AIF1L: variants seen among roughly 807,000 people sequenced by gnomAD.
AIF1L encodes allograft inflammatory factor 1-like.
In AIF1L, 12 loss-of-function variants were observed where a neutral mutation model predicts 20.7. The observed-to-expected ratio is 0.58, with a 90% CI of 0.37 to 0.94. AIF1L has a LOEUF of 0.94. Among genes scored for constraint, AIF1L ranks in the 40% least tolerant of loss-of-function variants. The pLI is 0.01. For synonymous variants in AIF1L, 76 were observed against 65.1 expected (o/e 1.17, Z -0.81); for missense variants, 173 against 185.3 (o/e 0.93, Z 0.39).
chr9:131,122,549 C>T lies in AIF1L; in HGVS notation c.*2227C>T, dbSNP rs1424607037. 6.6e-6 allele frequency: 1 copy of T among 152,042 alleles called. No homozygotes were observed. Among genetic ancestry groups the T allele is most frequent in the Non-Finnish European group, 1.5e-5 (1 of 68,030 alleles). 9.4% of individuals were successfully genotyped at this position (152,042 alleles called of 1,614,324 possible). A position where few individuals can be genotyped will look rare whatever the true frequency, so the allele number is the denominator to read the frequency against. ...TCTCCTCTCTGGGACAGGCTGGGACCTTTGAGGAAGATAAAGCCTTCCTTC... is the reference window on the plus strand; with the variant it reads ...TCTCCTCTCTGGGACAGGCTGGGACTTTTGAGGAAGATAAAGCCTTCCTTC... On this transcript the variant is annotated 3_prime_UTR_variant, in exon 6 of 6. Coordinates refer to ENST00000247291, the MANE Select transcript of AIF1L (RefSeq NM_031426.4).
chr9:131,110,792 C>T (rs1026840799), intron 2 of AIF1L, among the ~76,000 whole-genome samples: 4 of 151,846 alleles, frequency 2.6e-5, no homozygotes, highest in African/African-American at 7.3e-5. Flanking sequence ...CGTGAACCGC[C>T]GCACCTGGCC....
chr9:131,106,395 G>A (rs946691654), intron 2 of AIF1L: 1 of 718,580 alleles, frequency 1.4e-6, no homozygotes, highest in Non-Finnish European at 2.4e-6. Context: ...AGCAGTGGCA[G>A]TGGAAATCAT....
intron 2 of AIF1L, among the ~76,000 whole-genome samples, chr9:131,109,514 G>A (rs140806936): frequency 1.8e-4 from 27 of 152,260 alleles, no homozygotes; most frequent in African/African-American, 6.3e-4. Context: ...AGCCAACATT[G>A]CGCCACTGGA....
intron 3 of AIF1L, chr9:131,114,320 C>T (rs1295086015): frequency 2.1e-6 from 1 of 471,340 alleles, no homozygotes; most frequent in Non-Finnish European, 3.9e-6. Context: ...CAGCTGCCCT[C>T]CTGGTAAGAG....
chr9:131,114,526 A>G, intron 3 of AIF1L, 51 bp from the exon 4 acceptor site: 3 of 1,605,788 alleles, frequency 1.9e-6, no homozygotes, highest in Non-Finnish European at 2.6e-6. Flanking sequence ...GGGTCCCCAC[A>G]GGGAGACGCT....
intron 4 of AIF1L, among the ~76,000 whole-genome samples, chr9:131,116,625 C>T (rs866310787): frequency 6.6e-6 from 1 of 152,176 alleles, no homozygotes; most frequent in Non-Finnish European, 1.5e-5. Flanking sequence ...TTTGTTTAGC[C>T]GATGCCTTTG....
intron 4 of AIF1L, among the ~76,000 whole-genome samples, chr9:131,114,837 C>T (rs567660700): frequency 3.0e-4 from 45 of 152,224 alleles, no homozygotes; most frequent in African/African-American, 1.1e-3. Flanking sequence ...ACCCACACCT[C>T]AGCCTCCCAC....
At chr9:131,119,437 G>A (rs1220902971) in intron 5 of AIF1L, among the ~76,000 whole-genome samples, 2 of 151,586 alleles carry the variant, frequency 1.3e-5, no homozygotes, top group African/African-American at 4.9e-5. Flanking sequence ...GGAGGCGGAG[G>A]TTGCAGTGAG....
rs1343491372 is a variant in AIF1L, at chr9:131,106,793, G to A, written c.94-4804G>A. ...CGCATTGAGAAGGTGACATTCGGCC[G>A]CATTGAGAAGGTGACATTGAGGCTG... On this transcript the variant is annotated intron_variant, in intron 2 of 5. Transcript: ENST00000247291. 7.8e-5 allele frequency among the ~76,000 whole-genome samples: 9 copies of A among 115,870 alleles called. 1 individual carries two copies. The highest frequency in any genetic ancestry group is 1.4e-4 in the Non-Finnish European group (8 of 55,792). The allele number at this position is 115,870 out of a possible 152,430, so 76.0% of individuals were successfully genotyped here.
At chr9:131,099,798 T>A (rs1235663763) in intron 2 of AIF1L, among the ~76,000 whole-genome samples, 8 of 149,698 alleles carry the variant, frequency 5.3e-5, no homozygotes, top group Non-Finnish European at 1.0e-4. Context: ...GTGATCTCAG[T>A]TCACTGCAAC....
At chr9:131,097,039 G>GTCCGCC (rs1487325556) in intron 2 of AIF1L, among the ~76,000 whole-genome samples, 176 bp downstream of exon 2, 1 of 152,106 alleles carries the variant, frequency 6.6e-6, no homozygotes, top group Admixed American at 6.5e-5. Context: ...CTCCAGGTAG[G>GTCCGCC]TCCGCCTCCG....
intron 2 of AIF1L, among the ~76,000 whole-genome samples, chr9:131,100,724 T>C (rs1588178806): frequency 6.6e-6 from 1 of 152,202 alleles, no homozygotes; most frequent in East Asian, 1.9e-4. Flanking sequence ...CAGCCAGGCA[T>C]GGCCTTATAT....
intron 2 of AIF1L, 67 bp downstream of exon 2, chr9:131,096,930 T>C: frequency 6.9e-7 from 1 of 1,454,904 alleles, no homozygotes. Flanking sequence ...CACCTCTCCT[T>C]CCGCGAGGCC....
intron 3 of AIF1L, chr9:131,112,134 G>A (rs1302650555): frequency 6.2e-6 from 1 of 161,216 alleles, no homozygotes; most frequent in East Asian, 1.8e-4. Context: ...CGGCAGCACG[G>A]GATGAAAAGA....
intron 3 of AIF1L, chr9:131,111,990 C>A: frequency 2.9e-6 from 1 of 346,434 alleles, no homozygotes. Flanking sequence ...CCGGGCCCCG[C>A]ACACAATCAG....
Position 131,109,579 on chromosome 9 carries a change from CAAAA to C in AIF1L, c.94-2014_94-2011del, listed in dbSNP as rs1830831672. Among the ~76,000 whole-genome samples, 3 of 150,106 alleles carry C rather than the reference CAAAA, an allele frequency of 2.0e-5. 1 individual carries two copies. In the South Asian group the frequency reaches 6.3e-4, roughly 31 times the overall value. On this transcript the variant is annotated intron_variant, in intron 2 of 5. Transcript: ENST00000247291. The stretch of plus-strand genomic sequence containing the variant: ...CGTCTCAAAAAAACAAAAACAAAAA[CAAAA>C]AAAGAATGGAAGCTCCAAAGAAGAG...
At chr9:131,119,259 G>A (rs760074376) in intron 5 of AIF1L, among the ~76,000 whole-genome samples, 1 of 152,194 alleles carries the variant, frequency 6.6e-6, no homozygotes, top group Non-Finnish European at 1.5e-5. Context: ...CCAGCGCTTC[G>A]GGAGGCTGAG....
At chr9:131,102,465 TA>T (rs1332280389) in intron 2 of AIF1L, among the ~76,000 whole-genome samples, 1 of 152,196 alleles carries the variant, frequency 6.6e-6, no homozygotes, top group African/African-American at 2.4e-5. Flanking sequence ...TGCTCTTCCT[TA>T]ATATATTATA....
chr9:131,110,027 G>T (rs1301882345), intron 2 of AIF1L, among the ~76,000 whole-genome samples: 2 of 152,106 alleles, frequency 1.3e-5, no homozygotes, highest in Admixed American at 1.3e-4. Context: ...CTGGGCAACA[G>T]AGTGAAACCC....
Sources: allele counts gnomAD v4.1 joint callset (sites outside exome capture counted in the v4.1 genomes callset), GRCh38; gene constraint gnomAD v4.1.1; transcripts MANE v1.5; gene names NCBI Gene and HGNC (gene_info 2026-07-23, HGNC 2026-07-21).